MTOR: variants seen among roughly 807,000 people sequenced by gnomAD.
The protein encoded by MTOR is serine/threonine-protein kinase mTOR.
MTOR carries 70 observed loss-of-function variants against 319.8 expected under a neutral mutation model. That is an observed-to-expected ratio of 0.22 (90% CI 0.18 to 0.27). The LOEUF (loss-of-function observed/expected upper bound fraction) is 0.27. MTOR is among the 10% of genes least tolerant of loss of function. MTOR has a pLI of 1.00. For missense variants in MTOR, 1,890 were observed against 3,274.4 expected, an observed-to-expected ratio of 0.58 and a Z score of 10.32; for synonymous variants, 1,183 against 1,211.4, an observed-to-expected ratio of 0.98 and a Z score of 0.49.
intron 36 of MTOR, among the ~76,000 whole-genome samples, chr1:11,137,004 G>C (rs750396298): frequency 6.6e-6 from 1 of 151,248 alleles, no homozygotes; most frequent in Non-Finnish European, 1.5e-5. Flanking sequence ...ACCACACCCG[G>C]CTAATTTTTG....
At chr1:11,137,415 G>A (rs1479418530) in intron 36 of MTOR, among the ~76,000 whole-genome samples, 1 of 152,052 alleles carries the variant, frequency 6.6e-6, no homozygotes, top group Non-Finnish European at 1.5e-5. Context: ...TATTAAGTTT[G>A]GATTTGAAGC....
At chr1:11,159,641 C>CAA (rs796905295) in intron 29 of MTOR, among the ~76,000 whole-genome samples, 2 of 118,152 alleles carry the variant, frequency 1.7e-5, no homozygotes, top group Admixed American at 8.5e-5. Context: ...AACTCCGTCT[C>CAA]AAAAAAAAAA....
intron 29 of MTOR, among the ~76,000 whole-genome samples, chr1:11,162,598 C>T (rs1244457626): frequency 6.6e-6 from 1 of 152,192 alleles, no homozygotes; most frequent in Non-Finnish European, 1.5e-5. Context: ...GGCAGAAACT[C>T]CACAAGCCAG....
intron 28 of MTOR, among the ~76,000 whole-genome samples, chr1:11,184,701 C>T (rs1210433549): frequency 6.6e-6 from 1 of 151,794 alleles, no homozygotes; most frequent in Non-Finnish European, 1.5e-5. Context: ...CTACAGCACT[C>T]CAGGGTGGGT....
rs771788136 is a variant in MTOR, at chr1:11,114,329, C to T, written c.7289G>A (p.Arg2430Lys). The T allele has an allele frequency of 2.5e-6, 4 of 1,614,094 alleles. No individual in the cohort carries two copies. The highest frequency in any genetic ancestry group is 3.4e-6 in the Non-Finnish European group (4 of 1,180,034). ...AFVYDPLLNW[R>K]LMDTNTKGNK... ...TTGATGATACTCACTGTCCATCAGC[C>T]TCCAGTTCAGCAAGGGGTCATAGAC... The change falls in exon 53 of 58, where the codon AGG becomes AAG. Residue 2430 changes from arginine (R) to lysine (K), a missense_variant. Physicochemically the swap from Arg to Lys is conservative, Grantham distance 26. Transcript: ENST00000361445.
chr1:11,204,082 A>G (rs1468160670), intron 26 of MTOR, among the ~76,000 whole-genome samples: 2 of 152,214 alleles, frequency 1.3e-5, no homozygotes, highest in Admixed American at 6.5e-5. Flanking sequence ...CCAGCCTTGA[A>G]TGCGGATCCT....
chr1:11,231,297 T>C lies in MTOR; in HGVS notation c.2649+3A>G, dbSNP rs1647007775. On this transcript the variant is annotated splice_donor_region_variant and intron_variant, in intron 17 of 57. Transcript: ENST00000361445. ...TAAAGACCAAGTTTGCCACGTCCCC[T>C]ACCTCTCTGCGTGTACCCTGGTTCT... 6.2e-7 allele frequency: 1 copy of C among 1,613,968 alleles called. No homozygotes were observed. Among genetic ancestry groups the C allele is most frequent in the South Asian group, 1.1e-5 (1 of 91,074 alleles).
At chr1:11,200,951 T>C (rs1179634583) in intron 26 of MTOR, among the ~76,000 whole-genome samples, 1 of 150,632 alleles carries the variant, frequency 6.6e-6, no homozygotes, top group Non-Finnish European at 1.5e-5. Context: ...GGAGGCAGAG[T>C]TTGCAGTGAG....
chr1:11,259,170 AC>A lies in MTOR; in HGVS notation c.162+77del. 8 of 1,540,964 alleles carry A rather than the reference AC, an allele frequency of 5.2e-6. No individual in the cohort carries two copies. In the South Asian group the frequency reaches 7.2e-5, roughly 14 times the overall value. ...GTTTTCCAAATCCTCACTTAGCTGT[AC>A]AAAAAAAAATGTAAACCAGTGATGG... On this transcript the variant is annotated intron_variant, in intron 2 of 57. Transcript: ENST00000361445.
chr1:11,111,512 A>C, intron 54 of MTOR: 2 of 197,108 alleles, frequency 1.0e-5, no homozygotes, highest in South Asian at 7.9e-5. Flanking sequence ...AAGAAAAATT[A>C]CCCTTTGTCA....
At chr1:11,180,056 C>T (rs903963562) in intron 28 of MTOR, among the ~76,000 whole-genome samples, 3 of 152,100 alleles carry the variant, frequency 2.0e-5, no homozygotes, top group Non-Finnish European at 2.9e-5. Flanking sequence ...AGACCACAAG[C>T]GCATGCCATC....
intron 19 of MTOR, among the ~76,000 whole-genome samples, chr1:11,217,839 A>G (rs1646524010): frequency 6.6e-6 from 1 of 152,258 alleles, no homozygotes; most frequent in South Asian, 2.1e-4. Context: ...ATAAATAAAA[A>G]GCATTACTTA....
chr1:11,163,498 T>G (rs1446179441), intron 29 of MTOR, among the ~76,000 whole-genome samples: 1 of 152,134 alleles, frequency 6.6e-6, no homozygotes, highest in Non-Finnish European at 1.5e-5. Flanking sequence ...CAGCACCACA[T>G]CGCACTTATT....
chr1:11,168,464 G>A (rs777662268), intron 28 of MTOR, among the ~76,000 whole-genome samples: 11 of 152,174 alleles, frequency 7.2e-5, no homozygotes, highest in African/African-American at 1.2e-4. Context: ...GGGCATGCAC[G>A]TCAATGACAG....
chr1:11,204,969 A>G (rs994811906), intron 25 of MTOR, among the ~76,000 whole-genome samples: 3 of 152,162 alleles, frequency 2.0e-5, no homozygotes, highest in Admixed American at 2.0e-4. Context: ...ACCAGAATAC[A>G]TGGGATTGCC....
rs2100881977 is a variant in MTOR, at chr1:11,234,258, G to A, written c.2216C>T (p.Thr739Ile). Residue 739 changes from threonine to isoleucine, a missense_variant, in exon 14 of 58, where the codon ACA (threonine) becomes ATA (isoleucine). This residue lies in a region of MTOR where 377 missense variants were observed against 653.9 expected (regional missense o/e 0.58). Coordinates refer to ENST00000361445, the MANE Select transcript of MTOR (RefSeq NM_004958.4). ...FLRKMLIQIL[T>I]ELEHSGIGRI... ...TCCAATCCCACTGTGCTCCAACTCT[G>A]TCAAAATCTGTAGGGAAGAAAGGCT... 2 of 1,611,724 alleles carry A rather than the reference G, an allele frequency of 1.2e-6. No homozygotes were observed. The highest frequency in any genetic ancestry group is 2.2e-5 in the South Asian group (2 of 90,870).
At chr1:11,207,597 C>CTTT (rs34578052) in intron 25 of MTOR, among the ~76,000 whole-genome samples, 1 of 121,682 alleles carries the variant, frequency 8.2e-6, no homozygotes, top group African/African-American at 3.0e-5. Flanking sequence ...TTTTCAATTC[C>CTTT]TTTTTTTTTT....
At chr1:11,256,621 G>T (rs549601138) in intron 4 of MTOR, among the ~76,000 whole-genome samples, 28 of 152,296 alleles carry the variant, frequency 1.8e-4, no homozygotes, top group African/African-American at 6.7e-4. Context: ...ACAGAGTTAG[G>T]TAGGAAGTTG....
At chr1:11,118,368 CTAGGA>C (rs76313983) in intron 49 of MTOR, among the ~76,000 whole-genome samples, 83,053 of 148,192 alleles carry the variant, frequency 0.56, 27,985 homozygotes, top group East Asian at 0.78. Flanking sequence ...TCCTGAGTAG[CTAGGA>C]TAACAGGCAC....
Sources: allele counts gnomAD v4.1 joint callset (sites outside exome capture counted in the v4.1 genomes callset), GRCh38; gene constraint gnomAD v4.1.1; regional missense constraint gnomAD v4.1.1; transcripts MANE v1.5; gene names NCBI Gene and HGNC (gene_info 2026-07-23, HGNC 2026-07-21).